RCAN2: variants seen among roughly 807,000 people sequenced by gnomAD.
RCAN2 encodes the protein regulator of calcineurin 2, also known as calcipressin-2.
In RCAN2, 9 loss-of-function variants were observed where a neutral mutation model predicts 23.6. That is an observed-to-expected ratio of 0.38 (90% confidence interval 0.23 to 0.67). The LOEUF is 0.67. Ranked by LOEUF, RCAN2 falls within the 30% of genes least tolerant of loss-of-function variation. The pLI is 0.51. For synonymous variants in RCAN2, 109 were observed against 115.7 expected (o/e 0.94, Z 0.37); for missense variants, 273 against 302.3 (o/e 0.90, Z 0.72).
chr6:46,487,360 C>T (rs974991843), intron 1 of RCAN2, among the ~76,000 whole-genome samples: 2 of 152,192 alleles, frequency 1.3e-5, no homozygotes, highest in African/African-American at 4.8e-5. Context: ...ACATACACTT[C>T]TTTCTTAGAT....
At chr6:46,464,074 G>T (rs1168843273) in intron 1 of RCAN2, among the ~76,000 whole-genome samples, 1 of 152,084 alleles carries the variant, frequency 6.6e-6, no homozygotes, top group Non-Finnish European at 1.5e-5. Flanking sequence ...ACAAGTAAAT[G>T]AATTATGGGA....
chr6:46,232,270 T>C (rs554276500), intron 4 of RCAN2, among the ~76,000 whole-genome samples: 25 of 152,376 alleles, frequency 1.6e-4, no homozygotes, highest in Middle Eastern at 3.4e-3. Flanking sequence ...TAAGTAAGGT[T>C]CACTTAATTG....
intron 2 of RCAN2, among the ~76,000 whole-genome samples, chr6:46,305,575 T>G (rs1233837275): frequency 6.6e-6 from 1 of 152,030 alleles, no homozygotes; most frequent in Admixed American, 6.6e-5. Context: ...CAGATTCAAG[T>G]GTGAGCCAAT....
chr6:46,354,912 T>C (rs1172063864), intron 2 of RCAN2, among the ~76,000 whole-genome samples: 3 of 52,906 alleles, frequency 5.7e-5, no homozygotes, highest in African/African-American at 1.2e-4. Flanking sequence ...TGTGTGTGTG[T>C]GTGTGTGTGT....
chr6:46,226,052 C>A (rs572153748), intron 4 of RCAN2, among the ~76,000 whole-genome samples: 1 of 152,106 alleles, frequency 6.6e-6, no homozygotes, highest in Non-Finnish European at 1.5e-5. Context: ...AATCCTTTCC[C>A]CATTGCTTGT....
intron 4 of RCAN2, among the ~76,000 whole-genome samples, chr6:46,227,918 A>G (rs1341500043): frequency 2.0e-5 from 3 of 152,206 alleles, no homozygotes; most frequent in East Asian, 1.9e-4. Flanking sequence ...ATTTAGTGCT[A>G]TAAATTTCCC....
chr6:46,469,518 G>T (rs1768493651), intron 1 of RCAN2, among the ~76,000 whole-genome samples: 1 of 152,142 alleles, frequency 6.6e-6, no homozygotes, highest in African/African-American at 2.4e-5. Context: ...GGAAGAAATT[G>T]AGGCAGTAGA....
intron 2 of RCAN2, among the ~76,000 whole-genome samples, chr6:46,301,429 C>T (rs1762900098): frequency 6.6e-6 from 1 of 152,054 alleles, no homozygotes; most frequent in African/African-American, 2.4e-5. Flanking sequence ...AGACATTCTA[C>T]TCCCCAAGCT....
At chr6:46,474,452 C>T (rs1022839995) in intron 1 of RCAN2, among the ~76,000 whole-genome samples, 1 of 152,080 alleles carries the variant, frequency 6.6e-6, no homozygotes, top group Non-Finnish European at 1.5e-5. Context: ...CAACAGAGTG[C>T]TATTAATATC....
At chr6:46,320,156 T>C (rs1310640576) in intron 2 of RCAN2, among the ~76,000 whole-genome samples, 8 of 152,248 alleles carry the variant, frequency 5.3e-5, no homozygotes, top group Non-Finnish European at 1.2e-4. Flanking sequence ...TTTAGAGCTC[T>C]GCAGAGCCAT....
chr6:46,292,839 A>G (rs1762611525), intron 2 of RCAN2, among the ~76,000 whole-genome samples: 1 of 152,104 alleles, frequency 6.6e-6, no homozygotes, highest in Non-Finnish European at 1.5e-5. Flanking sequence ...CGTCATCTAC[A>G]TTAGGTATTT....
chr6:46,472,019 A>G (rs2150441946), intron 1 of RCAN2, among the ~76,000 whole-genome samples: 1 of 152,252 alleles, frequency 6.6e-6, no homozygotes, highest in South Asian at 2.1e-4. Flanking sequence ...ATTGTTCTGT[A>G]AGGAAGTGGG....
intron 2 of RCAN2, among the ~76,000 whole-genome samples, chr6:46,430,170 G>C (rs971636188): frequency 1.3e-5 from 2 of 152,214 alleles, no homozygotes; most frequent in Non-Finnish European, 2.9e-5. Flanking sequence ...ACCAGTCGCA[G>C]ACCAAGACAG....
chr6:46,276,387 C>T (rs1767705727), intron 2 of RCAN2, among the ~76,000 whole-genome samples: 1 of 152,102 alleles, frequency 6.6e-6, no homozygotes, highest in South Asian at 2.1e-4. Flanking sequence ...GAGAGACAAG[C>T]CCCCACCACA....
chr6:46,367,399 C>A (rs1188781016), intron 2 of RCAN2, among the ~76,000 whole-genome samples: 2 of 152,058 alleles, frequency 1.3e-5, no homozygotes, highest in Non-Finnish European at 2.9e-5. Flanking sequence ...TCCTAAATAT[C>A]CAGTGACGGC....
chr6:46,390,041 A>G (rs1371797366), intron 2 of RCAN2, among the ~76,000 whole-genome samples: 1 of 150,970 alleles, frequency 6.6e-6, no homozygotes, highest in Non-Finnish European at 1.5e-5. Flanking sequence ...AAAAAATCAA[A>G]CTCCTGAAAA....
intron 2 of RCAN2, among the ~76,000 whole-genome samples, chr6:46,297,388 G>C (rs1762756603): frequency 6.6e-6 from 1 of 152,060 alleles, no homozygotes; most frequent in African/African-American, 2.4e-5. Context: ...ATGGTGAAAG[G>C]GTCCTATACC....
chr6:46,465,819 A>T (rs1204563550), intron 1 of RCAN2, among the ~76,000 whole-genome samples: 1 of 152,240 alleles, frequency 6.6e-6, no homozygotes, highest in East Asian at 1.9e-4. Flanking sequence ...GGGATCAAGT[A>T]AAGATAACAA....
At chr6:46,283,976 T>G (rs564573904) in intron 2 of RCAN2, among the ~76,000 whole-genome samples, 1 of 152,286 alleles carries the variant, frequency 6.6e-6, no homozygotes, top group South Asian at 2.1e-4. Flanking sequence ...TAGGTGGCAG[T>G]TGGTTAGATT....
Sources: gnomAD v4.1 joint callset for allele counts (sites outside exome capture counted in the v4.1 genomes callset) on GRCh38, gnomAD v4.1.1 for gene constraint, MANE v1.5 for transcripts, NCBI Gene and HGNC (gene_info 2026-07-23, HGNC 2026-07-21) for gene names.